Variants in UNC13C observed in about 807,000 individuals in gnomAD.
UNC13C encodes protein unc-13 homolog C.
UNC13C carries 174 observed loss-of-function variants against 245.4 expected under a neutral mutation model. The observed-to-expected ratio is 0.71, with a 90% CI of 0.63 to 0.80. UNC13C has a LOEUF of 0.80. Ranked by LOEUF, UNC13C falls within the 30% of genes least tolerant of loss-of-function variation. The pLI, the probability that UNC13C is intolerant of heterozygous loss-of-function variation, is 0.00. For synonymous variants in UNC13C, 992 were observed against 895.1 expected, an observed-to-expected ratio of 1.11 and a Z score of -1.93; for missense variants, 2,829 against 2,602.9, an observed-to-expected ratio of 1.09 and a Z score of -1.89.
chr15:54,589,590 C>G (rs1228727331), intron 30 of UNC13C, among the ~76,000 whole-genome samples: 1 of 152,122 alleles, frequency 6.6e-6, no homozygotes, highest in African/African-American at 2.4e-5. Context: ...AGCCACCGCG[C>G]CCAGCCAGCC....
At chr15:54,358,535 A>T (rs2039150948) in intron 17 of UNC13C, among the ~76,000 whole-genome samples, 1 of 151,910 alleles carries the variant, frequency 6.6e-6, no homozygotes, top group Non-Finnish European at 1.5e-5. Context: ...GAGATCTTTG[A>T]CCTCCATGTT....
chr15:54,082,769 G>C (rs1213442457), intron 2 of UNC13C, among the ~76,000 whole-genome samples: 1 of 151,982 alleles, frequency 6.6e-6, no homozygotes, highest in Non-Finnish European at 1.5e-5. Context: ...TTCCCTTGAG[G>C]GTATGACTAT....
chr15:53,956,327 A>C, the UNC13C span, among the ~76,000 whole-genome samples: 497 of 152,226 alleles, frequency 3.3e-3, no homozygotes, highest in African/African-American at 0.012. Context: ...AATCTAAAAT[A>C]AAAGTTGAAA....
intron 2 of UNC13C, among the ~76,000 whole-genome samples, chr15:54,041,516 C>G (rs982629758): frequency 2.8e-4 from 43 of 152,170 alleles, no homozygotes; most frequent in African/African-American, 1.0e-3. Flanking sequence ...ATACCTCTAA[C>G]CAGCAATGAA....
Position 54,201,810 on chromosome 15 carries a change from C to G in UNC13C, c.3072-33220C>G, listed in dbSNP as rs181599790. On this transcript the variant is annotated intron_variant, in intron 4 of 32. Coordinates refer to ENST00000260323, the MANE Select transcript of UNC13C (RefSeq NM_001080534.3). ...TTCAATATAGTACTGAAAGTCCTAG[C>G]CAGAGAAATCAGACAAGAGAAGGAA... Among the ~76,000 whole-genome samples the G allele has an allele frequency of 1.3e-4, 19 of 151,964 alleles. No homozygotes were observed. In the East Asian group the frequency reaches 2.9e-3, roughly 23 times the overall value.
chr15:53,847,727 A>T, the UNC13C span, among the ~76,000 whole-genome samples: 22 of 152,040 alleles, frequency 1.4e-4, no homozygotes, highest in Non-Finnish European at 2.6e-4. Context: ...GATATAGGAA[A>T]ATCAGCTTCA....
chr15:54,278,827 T>C (rs955577693), intron 10 of UNC13C, among the ~76,000 whole-genome samples: 1 of 152,190 alleles, frequency 6.6e-6, no homozygotes, highest in Admixed American at 6.5e-5. Flanking sequence ...CAACCTAAAG[T>C]AATCGCTTTC....
At chr15:54,462,051 C>G (rs1444423026) in intron 19 of UNC13C, among the ~76,000 whole-genome samples, 1 of 152,084 alleles carries the variant, frequency 6.6e-6, no homozygotes, top group Non-Finnish European at 1.5e-5. Context: ...GTTTTCCAGT[C>G]ATGTTAAGTA....
At chr15:53,940,729 A>G in the UNC13C span, among the ~76,000 whole-genome samples, 2 of 152,274 alleles carry the variant, frequency 1.3e-5, no homozygotes, top group South Asian at 2.1e-4. Flanking sequence ...TGCCACAAAG[A>G]TGATAAAATG....
chr15:54,567,995 TA>T, intron 30 of UNC13C, 48 bp downstream of exon 30: 1 of 1,343,634 alleles, frequency 7.4e-7, no homozygotes, highest in Non-Finnish European at 9.8e-7. Context: ...AATACTAAAA[TA>T]AAATTTAACA....
intron 8 of UNC13C, among the ~76,000 whole-genome samples, chr15:54,251,178 T>G (rs897373437): frequency 2.6e-5 from 4 of 152,206 alleles, no homozygotes; most frequent in African/African-American, 7.2e-5. Flanking sequence ...CTGGAATTCT[T>G]TTTTCGAGCC....
rs757729278 is a variant in UNC13C, at chr15:54,013,545, G to C, written c.642G>C (p.Leu214Phe). ...CCTGGGGAATAAGAAGTAAGTCTTT[G>C]GACAGAACTGTCCGAAACCCAAAGA... ...KKSWGIRSKS[L>F]DRTVRNPKTN... The change falls in exon 2 of 33, where the codon TTG (leucine) becomes TTC (phenylalanine). Residue 214 changes from leucine to phenylalanine, a missense_variant. By Grantham distance (22) the Leu-to-Phe change is conservative. Transcript: ENST00000260323. The C allele has an allele frequency of 6.2e-7, 1 of 1,613,740 alleles. No homozygotes were observed. The highest frequency in any genetic ancestry group is 1.3e-5 in the African/African-American group (1 of 74,900).
the UNC13C span, among the ~76,000 whole-genome samples, chr15:53,889,425 T>C: frequency 6.6e-6 from 1 of 152,214 alleles, no homozygotes; most frequent in Non-Finnish European, 1.5e-5. Flanking sequence ...TTGGCTGAAG[T>C]TGCTTATGAG....
intron 24 of UNC13C, among the ~76,000 whole-genome samples, chr15:54,525,230 G>A (rs887120180): frequency 6.6e-5 from 10 of 151,942 alleles, no homozygotes; most frequent in African/African-American, 4.8e-5. Flanking sequence ...TCTAAATTAC[G>A]GAATTATCAT....
At chr15:54,477,483 A>C (rs1223099055) in intron 19 of UNC13C, among the ~76,000 whole-genome samples, 1 of 110,762 alleles carries the variant, frequency 9.0e-6, no homozygotes, top group Non-Finnish European at 1.9e-5. Context: ...GATACGTCCC[A>C]TCAATACCTA....
chr15:54,105,111 C>A (rs968653039), intron 2 of UNC13C, among the ~76,000 whole-genome samples: 1 of 152,134 alleles, frequency 6.6e-6, no homozygotes, highest in African/African-American at 2.4e-5. Flanking sequence ...ACTGATAGTT[C>A]AATAGTTCTT....
intron 19 of UNC13C, among the ~76,000 whole-genome samples, chr15:54,469,907 T>C (rs2414305): frequency 0.41 from 62,394 of 151,196 alleles, 13,164 homozygotes; most frequent in East Asian, 0.62. Context: ...ATATATGGTC[T>C]TTACTCTATT....
intron 30 of UNC13C, among the ~76,000 whole-genome samples, chr15:54,579,071 G>T (rs1898088871): frequency 6.6e-6 from 1 of 152,172 alleles, no homozygotes; most frequent in Non-Finnish European, 1.5e-5. Context: ...TTGGATGGTG[G>T]AATAGTGACA....
At chr15:53,970,867 T>C in the UNC13C span, among the ~76,000 whole-genome samples, 1 of 152,206 alleles carries the variant, frequency 6.6e-6, no homozygotes, top group African/African-American at 2.4e-5. Context: ...CTTTTGGATA[T>C]ATACCCAGAA....
Sources: gnomAD v4.1 joint callset for allele counts (sites outside exome capture counted in the v4.1 genomes callset) on GRCh38, gnomAD v4.1.1 for gene constraint, MANE v1.5 for transcripts, NCBI Gene and HGNC (gene_info 2026-07-23, HGNC 2026-07-21) for gene names.